FOXRED1: variants seen among roughly 807,000 people sequenced by gnomAD.
FOXRED1 encodes FAD-dependent oxidoreductase domain-containing protein 1.
FOXRED1 carries 52 observed loss-of-function variants against 57.8 expected under a neutral mutation model. The ratio of observed to expected loss-of-function variants is 0.90; its 90% CI spans 0.72 to 1.13. The LOEUF is 1.13. Among genes scored for constraint, FOXRED1 ranks in the 50% most tolerant of loss-of-function variants. The probability of loss-of-function intolerance (pLI) is 0.00; values close to 1 mark genes in which losing one functional copy is unlikely to be tolerated. For synonymous variants in FOXRED1, 271 were observed against 248.3 expected, an observed-to-expected ratio of 1.09 and a Z score of -0.86; for missense variants, 589 against 625.2, an observed-to-expected ratio of 0.94 and a Z score of 0.62.
At position 126,273,450 on chromosome 11, in the gene FOXRED1, C is replaced by A; in HGVS notation, c.532C>A (p.Gln178Lys). 6.2e-7 allele frequency: 1 copy of A among 1,607,026 alleles called. No individual in the cohort carries two copies. The highest frequency in any genetic ancestry group is 8.5e-7 in the Non-Finnish European group (1 of 1,173,830). ...AAAMESNVKV[Q>K]RQEGAKVSLM... ...AGCCATGGAGAGCAACGTGAAAGTGCAGAGGTGGGTGCCTGGCACAGCCTC... is the reference window on the plus strand; with the variant it reads ...AGCCATGGAGAGCAACGTGAAAGTGAAGAGGTGGGTGCCTGGCACAGCCTC... Residue 178 changes from glutamine to lysine, a missense_variant, in exon 4 of 11, where the codon CAG (glutamine) becomes AAG (lysine). By Grantham distance (53) the Gln-to-Lys change is moderately conservative (BLOSUM62 1). Coordinates refer to ENST00000263578, the MANE Select transcript of FOXRED1 (RefSeq NM_017547.4). The surrounding 1 kb of genome is among the most constrained non-coding windows in gnomAD (Gnocchi z 5.9).
In FOXRED1 at chr11:126,275,135, C is replaced by T. The variant is rs1166604493; in HGVS notation, c.631+114C>T. On this transcript the variant is annotated intron_variant, in intron 5 of 10. Coordinates refer to ENST00000263578, the MANE Select transcript of FOXRED1 (RefSeq NM_017547.4). The surrounding 1 kb of genome is among the most constrained non-coding windows in gnomAD (Gnocchi z 5.9). The stretch of plus-strand genomic sequence containing the variant: ...CAAGCTGAAGGAGGAACACTTCCCT[C>T]CTGTGTCACGGGAACTGCCCTGGGC... 4.8e-6 allele frequency: 4 copies of T among 840,818 alleles called. No individual in the cohort carries two copies. The highest frequency in any genetic ancestry group is 8.1e-6 in the Non-Finnish European group (4 of 492,770). 52.1% of individuals were successfully genotyped at this position (840,818 alleles called of 1,614,324 possible). A position where few individuals can be genotyped will look rare whatever the true frequency, so the allele number is the denominator to read the frequency against.
chr11:126,273,806 T>G lies in FOXRED1; in HGVS notation c.536+352T>G, dbSNP rs559935363. ...ACTTTTTCTGTAAAGGGCCAGATAG[T>G]ATATATTTTAGGTTTTGCTGGCCAT... is the stretch of plus-strand genomic sequence containing the variant. On this transcript the variant is annotated intron_variant, in intron 4 of 10. Coordinates refer to ENST00000263578, the MANE Select transcript of FOXRED1 (RefSeq NM_017547.4). The surrounding 1 kb of genome is among the most constrained non-coding windows in gnomAD (Gnocchi z 5.9). The G allele has an allele frequency of 2.6e-4, 84 of 325,836 alleles. No individual in the cohort carries two copies. The highest frequency in any genetic ancestry group is 2.3e-3 in the South Asian group (82 of 35,776). The allele number at this position is 325,836 out of a possible 1,614,324, so 20.2% of individuals were successfully genotyped here. A position where few individuals can be genotyped will look rare whatever the true frequency, so the allele number is the denominator to read the frequency against.
rs780629612 is a variant in FOXRED1 at position 126,272,948 on chromosome 11, A to G, written c.307-21A>G. On this transcript the variant is annotated intron_variant, in intron 2 of 10. Coordinates refer to ENST00000263578, the MANE Select transcript of FOXRED1 (RefSeq NM_017547.4). This position sits in a 1 kb window ranked among gnomAD's most constrained non-coding sequence, Gnocchi z 4.6. ...TGTGATAGGGTACTGGTCTACCTCA[A>G]CTTTTCTTGTCTTTCCACAGTATTC... 1.6e-6 allele frequency: 2 copies of G among 1,240,810 alleles called. No homozygotes were observed. Among genetic ancestry groups the G allele is most frequent in the South Asian group, 1.2e-5 (1 of 83,690 alleles). 76.9% of individuals were successfully genotyped at this position (1,240,810 alleles called of 1,614,324 possible).
intron 1 of FOXRED1, among the ~76,000 whole-genome samples, chr11:126,270,421 C>A (rs910122765): frequency 1.3e-5 from 2 of 152,198 alleles, no homozygotes; most frequent in Non-Finnish European, 2.9e-5. Flanking sequence ...CAGCCTCCCC[C>A]CTCATGGATT....
rs1330792552 is a variant in FOXRED1, at chr11:126,273,201, G to T, written c.417+122G>T. On this transcript the variant is annotated intron_variant, in intron 3 of 10. Transcript: ENST00000263578. The surrounding 1 kb of genome is among the most constrained non-coding windows in gnomAD (Gnocchi z 5.9). ...TGGGTCAGCCAACTAGGAGAGGGGGGCCCTGGCCTTCTTCCTAGTGGTGGT... is the reference window on the plus strand; with the variant it reads ...TGGGTCAGCCAACTAGGAGAGGGGGTCCCTGGCCTTCTTCCTAGTGGTGGT... 3.2e-6 allele frequency: 3 copies of T among 945,818 alleles called. No individual in the cohort carries two copies. Among genetic ancestry groups the T allele is most frequent in the South Asian group, 2.6e-5 (2 of 77,736 alleles). The allele number at this position is 945,818 out of a possible 1,614,324, so 58.6% of individuals were successfully genotyped here.
Position 126,273,235 on chromosome 11 carries a change from T to G in FOXRED1, c.418-101T>G. On this transcript the variant is annotated intron_variant, in intron 3 of 10. Transcript: ENST00000263578. This position sits in a 1 kb window ranked among gnomAD's most constrained non-coding sequence, Gnocchi z 5.9. Reference sequence around the variant, plus strand: ...TTCTTCCTAGTGGTGGTGCCGCAGGTCTGGGGCACTGAGCCTGGGGAGCTG... The same window carrying G: ...TTCTTCCTAGTGGTGGTGCCGCAGGGCTGGGGCACTGAGCCTGGGGAGCTG... 1 of 1,016,904 alleles carries G rather than the reference T, an allele frequency of 9.8e-7. No homozygotes were observed. The highest frequency in any genetic ancestry group is 1.6e-6 in the Non-Finnish European group (1 of 635,432). 63.0% of individuals were successfully genotyped at this position (1,016,904 alleles called of 1,614,324 possible).
chr11:126,270,535 A>T (rs1398439183), intron 1 of FOXRED1, among the ~76,000 whole-genome samples: 1 of 152,202 alleles, frequency 6.6e-6, no homozygotes, highest in East Asian at 1.9e-4. Flanking sequence ...GGAATTAACT[A>T]GGCAAGGAAG....
rs202093490 is a variant in FOXRED1, at chr11:126,269,222, C to G, written c.16C>G (p.Leu6Val). 2.5e-6 allele frequency: 4 copies of G among 1,613,850 alleles called. No homozygotes were observed. The Admixed American group carries it at 5.0e-5, about 20-fold the overall frequency. Residue 6 changes from leucine to valine, a missense_variant, in exon 1 of 11, where the codon CTG becomes GTG. Coordinates refer to ENST00000263578, the MANE Select transcript of FOXRED1 (RefSeq NM_017547.4). ...CAGAGGGGTTATGATTCGGAGGGTT[C>G]TGCCGCACGGCATGGGCCGGGGCCT... Reference protein sequence around the residue: MIRRVLPHGMGRGLLT... With the variant: MIRRVVPHGMGRGLLT...
In FOXRED1 at chr11:126,275,475, C is replaced by G; in HGVS notation, c.733+47C>G. ...CTAGCAACCGGGGCATAGGCCTAGA[C>G]TAGGTCTTATCTTCTCACTCACAAG... On this transcript the variant is annotated intron_variant, in intron 6 of 10. Coordinates refer to ENST00000263578, the MANE Select transcript of FOXRED1 (RefSeq NM_017547.4). The surrounding 1 kb of genome is among the most constrained non-coding windows in gnomAD (Gnocchi z 5.9). The G allele has an allele frequency of 7.7e-7, 1 of 1,305,842 alleles. No homozygotes were observed. The highest frequency in any genetic ancestry group is 1.2e-5 in the South Asian group (1 of 85,000). The allele number at this position is 1,305,842 out of a possible 1,614,324, so 80.9% of individuals were successfully genotyped here.
At position 126,275,847 on chromosome 11, in the gene FOXRED1, T is replaced by A; in HGVS notation, c.787T>A (p.Leu263Met). ...MLTTDDKAVV[L>M]KRIHEVHVKM... ...GACCACAGATGACAAAGCGGTGGTC[T>A]TGAAAAGGATCCATGAAGTCCATGT... The change falls in exon 7 of 11, where the codon TTG (leucine) becomes ATG (methionine). Residue 263 changes from leucine to methionine, a missense_variant. Transcript: ENST00000263578. This position sits in a 1 kb window ranked among gnomAD's most constrained non-coding sequence, Gnocchi z 5.9. 6.2e-7 allele frequency: 1 copy of A among 1,612,122 alleles called. No homozygotes were observed. Among genetic ancestry groups the A allele is most frequent in the East Asian group, 2.2e-5 (1 of 44,872 alleles).
At position 126,269,360 on chromosome 11, in the gene FOXRED1, A is replaced by T. The variant is rs186530916; in HGVS notation, c.85+69A>T. The T allele has an allele frequency of 1.2e-5, 20 of 1,612,564 alleles. No homozygotes were observed. The East Asian group carries it at 3.8e-4, about 31-fold the overall frequency. ...CCCAACCTCCGACTGTGTGTCCTTC[A>T]GGACCCGAAACCATGGCCCACACTG... On this transcript the variant is annotated intron_variant, in intron 1 of 10. Coordinates refer to ENST00000263578, the MANE Select transcript of FOXRED1 (RefSeq NM_017547.4).
chr11:126,277,048 G>GT lies in FOXRED1; in HGVS notation c.1102-21dup. On this transcript the variant is annotated intron_variant, in intron 9 of 10. Coordinates refer to ENST00000263578, the MANE Select transcript of FOXRED1 (RefSeq NM_017547.4). The surrounding 1 kb of genome is among the most constrained non-coding windows in gnomAD (Gnocchi z 6.8). The stretch of plus-strand genomic sequence containing the variant: ...TCCTTGTGTCCCAGGCAATGTAAGC[G>GT]TTGTCCCCACCTCTCACTCCAGCAG... 6.9e-7 allele frequency: 1 copy of GT among 1,451,478 alleles called. No individual in the cohort carries two copies. Among genetic ancestry groups the GT allele is most frequent in the Non-Finnish European group, 9.7e-7 (1 of 1,031,880 alleles). The allele number at this position is 1,451,478 out of a possible 1,614,324, so 89.9% of individuals were successfully genotyped here. A position where few individuals can be genotyped will look rare whatever the true frequency, so the allele number is the denominator to read the frequency against.
intron 1 of FOXRED1, chr11:126,269,493 T>C: frequency 1.2e-6 from 1 of 866,506 alleles, no homozygotes; most frequent in Admixed American, 2.0e-5. Flanking sequence ...GTGGCAGGTC[T>C]CACATCATTC....
rs1053911245 is a variant in FOXRED1, at chr11:126,272,823, T to C, written c.307-146T>C. 7.2e-6 allele frequency: 5 copies of C among 698,164 alleles called. No homozygotes were observed. Among genetic ancestry groups the C allele is most frequent in the South Asian group, 1.5e-5 (1 of 66,482 alleles). 43.2% of individuals were successfully genotyped at this position (698,164 alleles called of 1,614,324 possible). On this transcript the variant is annotated intron_variant, in intron 2 of 10. Coordinates refer to ENST00000263578, the MANE Select transcript of FOXRED1 (RefSeq NM_017547.4). The surrounding 1 kb of genome is among the most constrained non-coding windows in gnomAD (Gnocchi z 4.6). ...GATTTTAAACACCATTGCCTTCAAG[T>C]TGACTTACACATGGGTCTTAGATTA...
At position 126,278,073 on chromosome 11, in the gene FOXRED1, T is replaced by A; in HGVS notation, c.*384T>A. The A allele has an allele frequency of 2.0e-6, 1 of 491,064 alleles. No homozygotes were observed. The highest frequency in any genetic ancestry group is 1.5e-5 in the South Asian group (1 of 64,780). The allele number at this position is 491,064 out of a possible 1,614,324, so 30.4% of individuals were successfully genotyped here. A position where few individuals can be genotyped will look rare whatever the true frequency, so the allele number is the denominator to read the frequency against. On this transcript the variant is annotated 3_prime_UTR_variant, in exon 11 of 11. Coordinates refer to ENST00000263578, the MANE Select transcript of FOXRED1 (RefSeq NM_017547.4). The surrounding 1 kb of genome is among the most constrained non-coding windows in gnomAD (Gnocchi z 4.8). The stretch of plus-strand genomic sequence containing the variant: ...CTGGGGCAGCCTGGCTCAGGTTTAT[T>A]GATTTTCGTCTGTTTACCCTATCCA...
rs775158370 is a variant in FOXRED1 at position 126,275,755 on chromosome 11, A to T, written c.734-39A>T. 1 of 1,357,608 alleles carries T rather than the reference A, an allele frequency of 7.4e-7. No individual in the cohort carries two copies. Among genetic ancestry groups the T allele is most frequent in the Admixed American group, 1.7e-5 (1 of 59,574 alleles). 84.1% of individuals were successfully genotyped at this position (1,357,608 alleles called of 1,614,324 possible). On this transcript the variant is annotated intron_variant, in intron 6 of 10. Transcript: ENST00000263578. This position sits in a 1 kb window ranked among gnomAD's most constrained non-coding sequence, Gnocchi z 5.9. ...TGAAATCCCCATTTCATTCCTCTTCAGCACCTCTACGGCCTATTTTTCATT... is the reference window on the plus strand; with the variant it reads ...TGAAATCCCCATTTCATTCCTCTTCTGCACCTCTACGGCCTATTTTTCATT...
At chr11:126,269,440 A>T (rs752340687) in intron 1 of FOXRED1, 149 bp downstream of exon 1, 11 of 1,488,462 alleles carry the variant, frequency 7.4e-6, no homozygotes, top group Non-Finnish European at 1.0e-5. Flanking sequence ...CAGAGCTTGT[A>T]GGGGCTGTGC....
chr11:126,277,041 T>C lies in FOXRED1; in HGVS notation c.1102-30T>C, dbSNP rs556330242. 63 of 1,348,538 alleles carry C rather than the reference T, an allele frequency of 4.7e-5. 1 individual carries two copies. The African/African-American group carries it at 8.1e-4, about 17-fold the overall frequency. 83.5% of individuals were successfully genotyped at this position (1,348,538 alleles called of 1,614,324 possible). ...GGGCCTGTCCTTGTGTCCCAGGCAA[T>C]GTAAGCGTTGTCCCCACCTCTCACT... On this transcript the variant is annotated intron_variant, in intron 9 of 10. Coordinates refer to ENST00000263578, the MANE Select transcript of FOXRED1 (RefSeq NM_017547.4). The surrounding 1 kb of genome is among the most constrained non-coding windows in gnomAD (Gnocchi z 6.8).
chr11:126,275,976 T>C lies in FOXRED1; in HGVS notation c.811-83T>C. The C allele has an allele frequency of 6.3e-7, 1 of 1,589,956 alleles. No homozygotes were observed. The highest frequency in any genetic ancestry group is 1.1e-5 in the South Asian group (1 of 90,612). On this transcript the variant is annotated intron_variant, in intron 7 of 10. Coordinates refer to ENST00000263578, the MANE Select transcript of FOXRED1 (RefSeq NM_017547.4). This position sits in a 1 kb window ranked among gnomAD's most constrained non-coding sequence, Gnocchi z 5.9. ...GACCCACTTTCCAGTATGGGTAAAC[T>C]AAGGCTCAGGAAGCAGTGCATCTCT... is the stretch of plus-strand genomic sequence containing the variant.
Sources: gnomAD v4.1 joint callset for allele counts (sites outside exome capture counted in the v4.1 genomes callset) on GRCh38, gnomAD v4.1.1 for gene constraint, Gnocchi (gnomAD v3.1) non-coding constraint, MANE v1.5 for transcripts, NCBI Gene and HGNC (gene_info 2026-07-23, HGNC 2026-07-21) for gene names.